Variants in PITPNM2 observed in about 807,000 individuals in gnomAD.
PITPNM2 encodes membrane-associated phosphatidylinositol transfer protein 2.
PITPNM2 carries 35 observed loss-of-function variants against 132.2 expected under a neutral mutation model. The observed-to-expected ratio is 0.26, with a 90% CI of 0.20 to 0.35. PITPNM2 has a LOEUF of 0.35. Ranked by LOEUF, PITPNM2 falls within the 10% of genes least tolerant of loss-of-function variation. The probability of loss-of-function intolerance (pLI) is 1.00; values close to 1 mark genes in which losing one functional copy is unlikely to be tolerated. For missense variants in PITPNM2, 1,332 were observed against 1,912.0 expected, an observed-to-expected ratio of 0.70 and a Z score of 5.66; for synonymous variants, 738 against 799.2, an observed-to-expected ratio of 0.92 and a Z score of 1.29.
chr12:123,048,703 C>T (rs557084329), intron 2 of PITPNM2, among the ~76,000 whole-genome samples: 38 of 152,270 alleles, frequency 2.5e-4, no homozygotes, highest in Admixed American at 1.4e-3. Flanking sequence ...TGAGCCACCG[C>T]GCCCGGCTGG....
intron 3 of PITPNM2, among the ~76,000 whole-genome samples, chr12:123,016,632 C>T (rs999226122): frequency 5.3e-5 from 8 of 151,918 alleles, no homozygotes; most frequent in Non-Finnish European, 5.9e-5. Flanking sequence ...CACCTCACAC[C>T]CATTAAGGTG....
intron 2 of PITPNM2, among the ~76,000 whole-genome samples, chr12:123,040,693 T>A (rs182483220): frequency 1.4e-4 from 22 of 152,110 alleles, no homozygotes; most frequent in East Asian, 3.9e-4. Flanking sequence ...GATACTTTTT[T>A]AAAAAAAGAT....
intron 2 of PITPNM2, among the ~76,000 whole-genome samples, chr12:123,073,877 C>T (rs900145000): frequency 6.6e-6 from 1 of 152,192 alleles, no homozygotes; most frequent in African/African-American, 2.4e-5. Context: ...TTCCTTTTCT[C>T]TTCTCAGACA....
At chr12:123,069,598 C>T (rs1243339056) in intron 2 of PITPNM2, among the ~76,000 whole-genome samples, 1 of 152,158 alleles carries the variant, frequency 6.6e-6, no homozygotes, top group African/African-American at 2.4e-5. Context: ...CCTTCCAGGC[C>T]CCCTGGAAGC....
intron 16 of PITPNM2, chr12:122,991,984 C>T: frequency 8.2e-7 from 1 of 1,217,800 alleles, no homozygotes; most frequent in Non-Finnish European, 1.0e-6. Flanking sequence ...AGACTCAGGG[C>T]TCCTCGAGGA....
Position 123,077,680 on chromosome 12 carries a change from T to C in PITPNM2, c.-96+32705A>G, listed in dbSNP as rs1240918066. ...TGAGGCCTCTCCCTCTCTCTCTCCCTCCATCCCAGCTCTTCGGAGAGAAAG... is the reference window on the plus strand; with the variant it reads ...TGAGGCCTCTCCCTCTCTCTCTCCCCCCATCCCAGCTCTTCGGAGAGAAAG... On this transcript the variant is annotated intron_variant, in intron 2 of 25. Coordinates refer to ENST00000320201, the MANE Select transcript of PITPNM2 (RefSeq NM_020845.3). The surrounding 1 kb of genome is among the most constrained non-coding windows in gnomAD (Gnocchi z 4.8). 6.6e-6 allele frequency among the ~76,000 whole-genome samples: 1 copy of C among 152,082 alleles called. No individual in the cohort carries two copies. Among genetic ancestry groups the C allele is most frequent in the Non-Finnish European group, 1.5e-5 (1 of 67,994 alleles).
intron 2 of PITPNM2, among the ~76,000 whole-genome samples, chr12:123,069,728 G>T (rs561703244): frequency 6.6e-6 from 1 of 152,320 alleles, no homozygotes; most frequent in African/African-American, 2.4e-5. Flanking sequence ...CCCGAGCCTT[G>T]TTCAAAGTTG....
At chr12:123,081,303 G>A (rs2041955333) in intron 2 of PITPNM2, 1 of 152,316 alleles carries the variant, frequency 6.6e-6, no homozygotes, top group Non-Finnish European at 1.5e-5. Context: ...ACGTGGGTCT[G>A]GAACTGCAGG....
chr12:123,151,495 G>A (rs1444517726), upstream of PITPNM2, among the ~76,000 whole-genome samples: 1 of 152,170 alleles, frequency 6.6e-6, no homozygotes, highest in African/African-American at 2.4e-5. Context: ...AACCAGGGAG[G>A]GCAGAGCGCA....
chr12:123,021,029 CAAAAAAAAAAAAAA>C (rs910751492), intron 3 of PITPNM2, among the ~76,000 whole-genome samples: 8 of 25,310 alleles, frequency 3.2e-4, no homozygotes, highest in African/African-American at 4.8e-4. Context: ...AATTCCATCT[CAAAAAAAAAAAAAA>C]AAAAAAAAAA....
At chr12:123,016,000 A>G (rs2039411857) in intron 3 of PITPNM2, among the ~76,000 whole-genome samples, 1 of 152,218 alleles carries the variant, frequency 6.6e-6, no homozygotes, top group African/African-American at 2.4e-5. Context: ...AAGATGTTCA[A>G]CATCACTATT....
At position 123,038,849 on chromosome 12, in the gene PITPNM2, T is replaced by C. The variant is rs563473037; in HGVS notation, c.-95-4164A>G. On this transcript the variant is annotated intron_variant, in intron 2 of 25. Transcript: ENST00000320201. ...GCACGGTGGCTCACACCTATAATCC[T>C]AGCACTTTGGGAAACCAAGGCAGGA... 4.6e-5 allele frequency among the ~76,000 whole-genome samples: 7 copies of C among 152,176 alleles called. No individual in the cohort carries two copies. In the South Asian group the frequency reaches 1.5e-3, roughly 32 times the overall value.
intron 1 of PITPNM2, among the ~76,000 whole-genome samples, chr12:123,131,947 G>T (rs2043271832): frequency 6.6e-6 from 1 of 152,226 alleles, no homozygotes; most frequent in African/African-American, 2.4e-5. Context: ...GAAAGCATGT[G>T]ACCTGCTCAG....
At position 122,992,713 on chromosome 12, in the gene PITPNM2, G is replaced by T; in HGVS notation, c.2234-44C>A. The T allele has an allele frequency of 6.7e-7, 1 of 1,484,370 alleles. No homozygotes were observed. The allele number at this position is 1,484,370 out of a possible 1,614,324, so 91.9% of individuals were successfully genotyped here. On this transcript the variant is annotated intron_variant, in intron 15 of 25. Transcript: ENST00000320201. The surrounding 1 kb of genome is among the most constrained non-coding windows in gnomAD (Gnocchi z 6.5). ...GCTGCAGAGCTGGGGCTGGCCCTGA[G>T]GAGCAGTGGTGGGGGTGGGAAATTT...
chr12:123,041,627 G>A (rs1315003059), intron 2 of PITPNM2, among the ~76,000 whole-genome samples: 1 of 152,182 alleles, frequency 6.6e-6, no homozygotes, highest in African/African-American at 2.4e-5. Flanking sequence ...GGGTGCTAGC[G>A]AGACAGACAC....
intron 2 of PITPNM2, among the ~76,000 whole-genome samples, chr12:123,063,342 C>T (rs1439729475): frequency 2.0e-5 from 3 of 152,248 alleles, no homozygotes; most frequent in Admixed American, 2.0e-4. Flanking sequence ...TGGCCTGCGC[C>T]CCTGGCTGGG....
intron 1 of PITPNM2, among the ~76,000 whole-genome samples, chr12:123,146,687 G>A (rs529603462): frequency 5.9e-5 from 9 of 151,410 alleles, no homozygotes; most frequent in Non-Finnish European, 1.5e-5. Context: ...AGCACTCGTC[G>A]TGTCTTTGAC....
intron 2 of PITPNM2, among the ~76,000 whole-genome samples, chr12:123,035,718 C>T (rs866332622): frequency 1.3e-5 from 2 of 151,862 alleles, no homozygotes; most frequent in East Asian, 1.9e-4. Flanking sequence ...CTCAGTTATC[C>T]GGAAAATGAA....
rs755091000 is a variant in PITPNM2, at chr12:122,986,130, T to C, written c.3947A>G (p.Asp1316Gly). 53 of 1,511,238 alleles carry C rather than the reference T, an allele frequency of 3.5e-5. 1 individual carries two copies. In the South Asian group the frequency reaches 6.2e-4, roughly 18 times the overall value. 93.6% of individuals were successfully genotyped at this position (1,511,238 alleles called of 1,614,324 possible). A position where few individuals can be genotyped will look rare whatever the true frequency, so the allele number is the denominator to read the frequency against. The change falls in exon 26 of 26, where the codon GAT (aspartate) becomes GGT (glycine). Residue 1316 changes from aspartate to glycine, a missense_variant. Around this residue, in one of 6 missense-constraint regions of PITPNM2, gnomAD observed 163 missense variants for 177.2 expected, o/e 0.92. Coordinates refer to ENST00000320201, the MANE Select transcript of PITPNM2 (RefSeq NM_020845.3). ...GCTGCGCTGGCCCCGCTGCTCGCCA[T>C]CCGCCTGGCTCTGTGTCCGCTCGTG... ...HRHERTQSQA[D>G]GEQRGQRSMS...
Sources: gnomAD v4.1 joint callset for allele counts (sites outside exome capture counted in the v4.1 genomes callset) on GRCh38, gnomAD v4.1.1 for gene constraint, gnomAD v4.1.1 regional missense constraint, Gnocchi (gnomAD v3.1) non-coding constraint, MANE v1.5 for transcripts, NCBI Gene and HGNC (gene_info 2026-07-23, HGNC 2026-07-21) for gene names.